Variants in CYTH4 observed in about 807,000 individuals in gnomAD.
The protein encoded by CYTH4 is cytohesin 4.
CYTH4 carries 22 observed loss-of-function variants against 57.5 expected under a neutral mutation model. The observed-to-expected ratio is 0.38, with a 90% CI of 0.27 to 0.55. CYTH4 has a LOEUF of 0.55. CYTH4 is among the 20% of genes least tolerant of loss of function. The pLI is 0.74. For synonymous variants in CYTH4, 186 were observed against 206.5 expected (o/e 0.90, Z 0.85); for missense variants, 420 against 535.6 (o/e 0.78, Z 2.13).
At chr22:37,291,170 C>T (rs950965772) in intron 1 of CYTH4, among the ~76,000 whole-genome samples, 1 of 152,190 alleles carries the variant, frequency 6.6e-6, no homozygotes, top group African/African-American at 2.4e-5. Flanking sequence ...CTCAGAATAA[C>T]AGCAACCGAA....
At position 37,297,713 on chromosome 22, in the gene CYTH4, G is replaced by A. The variant is rs768819600; in HGVS notation, c.353+31G>A. On this transcript the variant is annotated intron_variant, in intron 5 of 12. Coordinates refer to ENST00000248901, the MANE Select transcript of CYTH4 (RefSeq NM_013385.5). ...AACGAGTGGAGCCTTAGCGAGGCAG[G>A]AAATGAAGGTGTGCAGGTGTGTACA... The A allele has an allele frequency of 2.3e-5, 36 of 1,584,670 alleles. No individual in the cohort carries two copies. In the Admixed American group the frequency reaches 5.8e-4, roughly 26 times the overall value.
chr22:37,287,152 G>A (rs771241717), intron 1 of CYTH4, among the ~76,000 whole-genome samples: 1 of 152,146 alleles, frequency 6.6e-6, no homozygotes, highest in East Asian at 1.9e-4. Flanking sequence ...AATACATAGG[G>A]GATGGTTGGA....
chr22:37,309,880 A>G (rs555413300), intron 9 of CYTH4: 230 of 371,332 alleles, frequency 6.2e-4, no homozygotes, highest in Non-Finnish European at 1.1e-3. Context: ...TGCACCCTGC[A>G]GAGAGCAGCT....
intron 8 of CYTH4, among the ~76,000 whole-genome samples, chr22:37,305,818 G>A (rs993010942): frequency 6.6e-6 from 1 of 152,226 alleles, no homozygotes; most frequent in African/African-American, 2.4e-5. Flanking sequence ...CCCAAAGAGA[G>A]GTCACCTCAA....
In CYTH4 at chr22:37,295,894, G is replaced by A. The variant is rs911007074; in HGVS notation, c.168-105G>A. ...CAGGACCCGGAGGCCACACTTGGAG[G>A]GCCCTAGAGGGGTATGGGCTCCTGC... On this transcript the variant is annotated intron_variant, in intron 3 of 12. Transcript: ENST00000248901. This position sits in a 1 kb window ranked among gnomAD's most constrained non-coding sequence, Gnocchi z 4.1. The A allele has an allele frequency of 4.2e-6, 5 of 1,190,414 alleles. No homozygotes were observed. Among genetic ancestry groups the A allele is most frequent in the African/African-American group, 1.5e-5 (1 of 65,628 alleles). The allele number at this position is 1,190,414 out of a possible 1,614,324, so 73.7% of individuals were successfully genotyped here.
chr22:37,297,302 G>T (rs1407107713), intron 4 of CYTH4, among the ~76,000 whole-genome samples: 1 of 152,158 alleles, frequency 6.6e-6, no homozygotes. Flanking sequence ...GTCAGACTGA[G>T]GGGGACCCTG....
At chr22:37,304,188 C>T (rs1332210060) in intron 8 of CYTH4, 2 of 456,654 alleles carry the variant, frequency 4.4e-6, no homozygotes, top group Non-Finnish European at 4.4e-6. Flanking sequence ...TGGGAGTGCT[C>T]CCAGAGGAGA....
chr22:37,305,919 G>A (rs1263693785), intron 8 of CYTH4, among the ~76,000 whole-genome samples: 1 of 150,796 alleles, frequency 6.6e-6, no homozygotes, highest in Non-Finnish European at 1.5e-5. Flanking sequence ...AGCCAACCTT[G>A]CTCTGGCCAT....
intron 1 of CYTH4, among the ~76,000 whole-genome samples, chr22:37,289,044 C>T (rs1244432498): frequency 2.0e-5 from 3 of 152,130 alleles, no homozygotes; most frequent in Non-Finnish European, 4.4e-5. Context: ...CAACACGTGT[C>T]GACTCCAGAC....
chr22:37,300,321 C>T, intron 6 of CYTH4: 1 of 702,276 alleles, frequency 1.4e-6, no homozygotes. Flanking sequence ...CATTCATTCA[C>T]ATATTCATTC....
At chr22:37,294,294 C>G (rs1928866381) in intron 2 of CYTH4, among the ~76,000 whole-genome samples, 1 of 149,328 alleles carries the variant, frequency 6.7e-6, no homozygotes. Context: ...AGTGGGGAGG[C>G]CGGCTTGTCG....
At chr22:37,282,651 C>T in intron 1 of CYTH4, 63 bp downstream of exon 1, 1 of 1,420,886 alleles carries the variant, frequency 7.0e-7, no homozygotes. Context: ...GGGACAGCAG[C>T]CCCTGCCTCA....
In CYTH4 at chr22:37,299,216, C is replaced by G. The variant is rs746289666; in HGVS notation, c.354-10C>G. ...GTGTGTCCCACCCTCCCTTCCGCCT[C>G]CTCCCCCAGGGATCCCATCAACCTG... On this transcript the variant is annotated splice_polypyrimidine_tract_variant and intron_variant, in intron 5 of 12. Coordinates refer to ENST00000248901, the MANE Select transcript of CYTH4 (RefSeq NM_013385.5). 6 of 1,611,370 alleles carry G rather than the reference C, an allele frequency of 3.7e-6. No individual in the cohort carries two copies. Among genetic ancestry groups the G allele is most frequent in the Non-Finnish European group, 4.2e-6 (5 of 1,177,888 alleles).
At chr22:37,284,749 G>A (rs1928486615) in intron 1 of CYTH4, among the ~76,000 whole-genome samples, 1 of 152,160 alleles carries the variant, frequency 6.6e-6, no homozygotes, top group Non-Finnish European at 1.5e-5. Context: ...TGGTGACTCA[G>A]GGGCCCCCAG....
chr22:37,310,418 A>G (rs984800209), intron 9 of CYTH4, among the ~76,000 whole-genome samples: 5 of 152,126 alleles, frequency 3.3e-5, no homozygotes, highest in Non-Finnish European at 7.3e-5. Flanking sequence ...GGAGGGTTAA[A>G]TGTGCGGCAA....
At position 37,299,331 on chromosome 22, in the gene CYTH4, C is replaced by T. The variant is rs779265378; in HGVS notation, c.434+25C>T. 21 of 1,609,466 alleles carry T rather than the reference C, an allele frequency of 1.3e-5. No individual in the cohort carries two copies. In the African/African-American group the frequency reaches 1.9e-4, roughly 14 times the overall value. ...GGTGAGTAGTCCTGGGGCAGGGTCCCGGCCCTCAAGGGTGGCACAGCCCCA... is the reference window on the plus strand; with the variant it reads ...GGTGAGTAGTCCTGGGGCAGGGTCCTGGCCCTCAAGGGTGGCACAGCCCCA... On this transcript the variant is annotated intron_variant, in intron 6 of 12. Coordinates refer to ENST00000248901, the MANE Select transcript of CYTH4 (RefSeq NM_013385.5).
chr22:37,295,467 C>T lies in CYTH4; in HGVS notation c.168-532C>T, dbSNP rs1220001483. ...ACAAGCATGCACACACACGAGTGGC[C>T]GTTTCTCCAGCTCCCCTGTTCCAGC... On this transcript the variant is annotated intron_variant, in intron 3 of 12. Coordinates refer to ENST00000248901, the MANE Select transcript of CYTH4 (RefSeq NM_013385.5). The surrounding 1 kb of genome is among the most constrained non-coding windows in gnomAD (Gnocchi z 4.1). 6.6e-6 allele frequency among the ~76,000 whole-genome samples: 1 copy of T among 152,012 alleles called. No individual in the cohort carries two copies. Among genetic ancestry groups the T allele is most frequent in the Non-Finnish European group, 1.5e-5 (1 of 67,986 alleles).
intron 2 of CYTH4, among the ~76,000 whole-genome samples, chr22:37,294,315 G>A (rs1306032109): frequency 6.6e-6 from 1 of 151,572 alleles, no homozygotes; most frequent in East Asian, 1.9e-4. Context: ...GGTAGGCTCG[G>A]CTAGAGTGCA....
In CYTH4 at chr22:37,311,126, A is replaced by C; in HGVS notation, c.885+62A>C. ...CCTCTCCCCGCACAACCCACTTCCC[A>C]ACTCCCACTGAGCAGTCGACTCACA... On this transcript the variant is annotated intron_variant, in intron 10 of 12. Transcript: ENST00000248901. The surrounding 1 kb of genome is among the most constrained non-coding windows in gnomAD (Gnocchi z 4.4). 9 of 1,558,304 alleles carry C rather than the reference A, an allele frequency of 5.8e-6. No individual in the cohort carries two copies. The highest frequency in any genetic ancestry group is 7.1e-6 in the Non-Finnish European group (8 of 1,130,618).
Sources: allele counts gnomAD v4.1 joint callset (sites outside exome capture counted in the v4.1 genomes callset), GRCh38; gene constraint gnomAD v4.1.1; non-coding constraint Gnocchi (gnomAD v3.1); transcripts MANE v1.5; gene names NCBI Gene and HGNC (gene_info 2026-07-23, HGNC 2026-07-21).